The following SLC39A11 variants were observed in gnomAD, a reference collection of about 807,000 sequenced individuals.
SLC39A11 encodes solute carrier family 39 member 11.
A neutral mutation model predicts 36.1 loss-of-function variants in SLC39A11; 33 were observed. That is an observed-to-expected ratio of 0.91 (90% confidence interval 0.69 to 1.22). The LOEUF is 1.22. Ranked by LOEUF, SLC39A11 falls within the 50% of genes most tolerant of loss-of-function variation. The pLI is 0.00. For missense variants in SLC39A11, 432 were observed against 430.3 expected, an observed-to-expected ratio of 1.00 and a Z score of -0.03; for synonymous variants, 166 against 170.3, an observed-to-expected ratio of 0.97 and a Z score of 0.20.
intron 5 of SLC39A11, among the ~76,000 whole-genome samples, chr17:72,898,982 G>C (rs1466837555): frequency 6.6e-6 from 1 of 152,188 alleles, no homozygotes; most frequent in African/African-American, 2.4e-5. Context: ...GTTCAGAACT[G>C]TTTAAGTAAA....
chr17:72,665,397 T>TTTTTTG (rs1567921508), intron 7 of SLC39A11, among the ~76,000 whole-genome samples: 3 of 125,430 alleles, frequency 2.4e-5, no homozygotes, highest in Admixed American at 8.6e-5. Context: ...GTGTTTTTTT[T>TTTTTTG]TTTTTTTTTT....
At chr17:73,058,160 C>T (rs1190144013) in intron 3 of SLC39A11, among the ~76,000 whole-genome samples, 8 of 152,108 alleles carry the variant, frequency 5.3e-5, no homozygotes, top group Non-Finnish European at 1.0e-4. Context: ...TTGCCTTTCA[C>T]CATTTTGTCT....
intron 7 of SLC39A11, among the ~76,000 whole-genome samples, chr17:72,722,029 T>C (rs1237609894): frequency 6.6e-6 from 1 of 150,930 alleles, no homozygotes; most frequent in Non-Finnish European, 1.5e-5. Context: ...ATTATTTTTC[T>C]CTCGGATATT....
At chr17:73,088,805 C>T in intron 1 of SLC39A11, 30 bp from the exon 2 acceptor site, 1 of 1,507,786 alleles carries the variant, frequency 6.6e-7, no homozygotes, top group Non-Finnish European at 9.1e-7. Context: ...GGGTCAGCCA[C>T]CGGTGGTCCG....
intron 6 of SLC39A11, among the ~76,000 whole-genome samples, chr17:72,750,630 A>G (rs2075120156): frequency 6.6e-6 from 1 of 152,042 alleles, no homozygotes; most frequent in Non-Finnish European, 1.5e-5. Flanking sequence ...ATTCCCACCA[A>G]AGTATTTCTA....
At chr17:72,712,971 A>C (rs2073174658) in intron 7 of SLC39A11, 2 of 152,232 alleles carry the variant, frequency 1.3e-5, no homozygotes, top group Admixed American at 1.3e-4. Flanking sequence ...CAGGAAACCA[A>C]GTTCAAGACC....
chr17:72,666,078 T>C (rs1211207513), intron 7 of SLC39A11, among the ~76,000 whole-genome samples: 2 of 152,170 alleles, frequency 1.3e-5, no homozygotes, highest in African/African-American at 4.8e-5. Flanking sequence ...AGGGAGCATG[T>C]CACAATTCTC....
At chr17:72,661,233 C>A (rs1038949638) in intron 7 of SLC39A11, among the ~76,000 whole-genome samples, 2 of 152,190 alleles carry the variant, frequency 1.3e-5, no homozygotes, top group African/African-American at 4.8e-5. Flanking sequence ...TGTTCTCTGA[C>A]CATGGCGCCC....
chr17:72,695,013 C>T (rs1329111520), intron 7 of SLC39A11, among the ~76,000 whole-genome samples: 1 of 152,218 alleles, frequency 6.6e-6, no homozygotes, highest in African/African-American at 2.4e-5. Flanking sequence ...TGATCTCCTC[C>T]CTTTAAGAAG....
chr17:72,726,306 G>T (rs774273632), intron 7 of SLC39A11, among the ~76,000 whole-genome samples: 1 of 152,024 alleles, frequency 6.6e-6, no homozygotes, highest in Non-Finnish European at 1.5e-5. Context: ...ACTCCTCCCC[G>T]CCACAACAAT....
chr17:72,671,844 G>A (rs1001087318), intron 7 of SLC39A11, among the ~76,000 whole-genome samples: 5 of 152,198 alleles, frequency 3.3e-5, no homozygotes, highest in Non-Finnish European at 7.3e-5. Context: ...AATAGAGAGT[G>A]GAATGGTAGT....
intron 1 of SLC39A11, among the ~76,000 whole-genome samples, chr17:73,090,806 C>G (rs1166628881): frequency 6.6e-6 from 1 of 152,118 alleles, no homozygotes; most frequent in Non-Finnish European, 1.5e-5. Context: ...AAGCCTGTCC[C>G]CATGTATATC....
intron 5 of SLC39A11, among the ~76,000 whole-genome samples, chr17:72,878,642 C>T (rs1183893769): frequency 6.6e-6 from 1 of 152,154 alleles, no homozygotes; most frequent in East Asian, 1.9e-4. Flanking sequence ...TATTTTTCTC[C>T]ATACCTGTAC....
intron 4 of SLC39A11, among the ~76,000 whole-genome samples, chr17:73,012,401 T>A (rs529366282): frequency 2.7e-4 from 41 of 152,348 alleles, no homozygotes; most frequent in Non-Finnish European, 3.2e-4. Context: ...ACATTTAATG[T>A]GCCCCATATA....
At chr17:72,924,095 C>T (rs2083875745) in intron 5 of SLC39A11, among the ~76,000 whole-genome samples, 1 of 138,392 alleles carries the variant, frequency 7.2e-6, no homozygotes, top group East Asian at 2.1e-4. Context: ...TGCAGTGAGC[C>T]AAATGGCACC....
chr17:73,009,771 G>A (rs2090407554), intron 4 of SLC39A11, among the ~76,000 whole-genome samples: 1 of 151,970 alleles, frequency 6.6e-6, no homozygotes, highest in South Asian at 2.1e-4. Context: ...AAGTTCTAGG[G>A]TACATGTGCA....
chr17:73,018,032 TGAGACCCTA>T (rs1299932081), intron 4 of SLC39A11, among the ~76,000 whole-genome samples: 2 of 152,176 alleles, frequency 1.3e-5, no homozygotes, highest in Non-Finnish European at 2.9e-5. Flanking sequence ...GTCATTCAGT[TGAGACCCTA>T]AAGATCCTCT....
chr17:72,777,014 T>C (rs2076159538), intron 6 of SLC39A11, among the ~76,000 whole-genome samples: 1 of 152,102 alleles, frequency 6.6e-6, no homozygotes, highest in Admixed American at 6.6e-5. Context: ...CCTACCTTCC[T>C]GGGGGGCCGT....
In SLC39A11 at chr17:72,680,041, C is replaced by CAAAAA. The variant is rs199650969; in HGVS notation, c.672-30778_672-30774dup. ...TGGGCGACAGAGTGAGACTCTGTCT[C>CAAAAA]AAAAAAAAAAAAAAAAAAAAAAAAA... On this transcript the variant is annotated intron_variant, in intron 7 of 9. Transcript: ENST00000255559. 2.0e-3 allele frequency among the ~76,000 whole-genome samples: 144 copies of CAAAAA among 71,688 alleles called. 8 individuals carry two copies. The highest frequency in any genetic ancestry group is 9.9e-3 in the African/African-American group (118 of 11,962). 47.0% of individuals were successfully genotyped at this position (71,688 alleles called of 152,430 possible).
Sources: allele counts gnomAD v4.1 joint callset (sites outside exome capture counted in the v4.1 genomes callset), GRCh38; gene constraint gnomAD v4.1.1; transcripts MANE v1.5; gene names NCBI Gene and HGNC (gene_info 2026-07-23, HGNC 2026-07-21).